RETREG1: variants seen among roughly 807,000 people sequenced by gnomAD.
RETREG1 encodes the protein family with sequence similarity 134 member B.
RETREG1 carries 44 observed loss-of-function variants against 54.8 expected under a neutral mutation model. That is an observed-to-expected ratio of 0.80 (90% confidence interval 0.63 to 1.03). The LOEUF (loss-of-function observed/expected upper bound fraction) is 1.03. RETREG1 is among the 50% of genes least tolerant of loss of function. The pLI is 0.00. For synonymous variants in RETREG1, 217 were observed against 238.5 expected (o/e 0.91, Z 0.83); for missense variants, 554 against 605.1 (o/e 0.92, Z 0.89).
At chr5:16,583,017 G>T (rs764835884) in intron 1 of RETREG1, among the ~76,000 whole-genome samples, 33 of 152,150 alleles carry the variant, frequency 2.2e-4, no homozygotes, top group Non-Finnish European at 4.0e-4. Flanking sequence ...GCTCTGGGCA[G>T]ACATCTGTGC....
intron 1 of RETREG1, among the ~76,000 whole-genome samples, chr5:16,572,810 C>T (rs1048775110): frequency 6.6e-6 from 1 of 152,078 alleles, no homozygotes; most frequent in Non-Finnish European, 1.5e-5. Context: ...ACTACAGAGG[C>T]CCTTTAGTCA....
chr5:16,476,693 G>A (rs886548696), intron 8 of RETREG1, among the ~76,000 whole-genome samples: 1 of 151,542 alleles, frequency 6.6e-6, no homozygotes, highest in African/African-American at 2.4e-5. Context: ...GTAAGTGGAA[G>A]CTGAATAATG....
At chr5:16,508,144 C>A (rs33682) in intron 3 of RETREG1, among the ~76,000 whole-genome samples, 39,215 of 152,154 alleles carry the variant, frequency 0.26, 5,460 homozygotes, top group East Asian at 0.38. Context: ...TTTACAATAT[C>A]AAAATGGTAT....
intron 3 of RETREG1, among the ~76,000 whole-genome samples, chr5:16,538,766 A>G (rs1348759575): frequency 2.0e-5 from 3 of 151,100 alleles, no homozygotes; most frequent in African/African-American, 2.4e-5. Context: ...GTGCAGTGGC[A>G]CGATCTCGGC....
intron 3 of RETREG1, among the ~76,000 whole-genome samples, chr5:16,483,946 TGTTAGAAAC>T (rs1738915629): frequency 6.6e-6 from 1 of 152,086 alleles, no homozygotes; most frequent in South Asian, 2.1e-4. Context: ...ATGGAAGACT[TGTTAGAAAC>T]GTCTTAAACC....
intron 3 of RETREG1, among the ~76,000 whole-genome samples, chr5:16,546,692 G>A (rs1318413358): frequency 6.6e-6 from 1 of 152,092 alleles, no homozygotes; most frequent in East Asian, 1.9e-4. Context: ...TAAATGTGGT[G>A]GCCTTCTTCA....
chr5:16,610,588 G>C (rs1209703309), intron 1 of RETREG1, among the ~76,000 whole-genome samples: 2 of 152,192 alleles, frequency 1.3e-5, no homozygotes, highest in African/African-American at 4.8e-5. Flanking sequence ...CCATCAAAAA[G>C]TGGGCGAAGG....
chr5:16,574,869 C>T (rs550712840), intron 1 of RETREG1, among the ~76,000 whole-genome samples: 2 of 152,298 alleles, frequency 1.3e-5, no homozygotes, highest in South Asian at 2.1e-4. Context: ...AATAAAATGC[C>T]GCAGTCCATG....
intron 1 of RETREG1, among the ~76,000 whole-genome samples, chr5:16,587,819 G>C (rs561871403): frequency 6.6e-6 from 1 of 152,158 alleles, no homozygotes; most frequent in Non-Finnish European, 1.5e-5. Flanking sequence ...TGTTCTGCCT[G>C]GTTCTCCCGC....
At chr5:16,526,436 C>T (rs932641599) in intron 3 of RETREG1, among the ~76,000 whole-genome samples, 2 of 152,262 alleles carry the variant, frequency 1.3e-5, no homozygotes, top group Non-Finnish European at 1.5e-5. Flanking sequence ...GACCCTATTC[C>T]CAGAGGCTCC....
chr5:16,593,717 G>T lies in RETREG1; in HGVS notation c.321-21615C>A, dbSNP rs1742832846. On this transcript the variant is annotated intron_variant, in intron 1 of 8. Coordinates refer to ENST00000306320, the MANE Select transcript of RETREG1 (RefSeq NM_001034850.3). The surrounding 1 kb of genome is among the most constrained non-coding windows in gnomAD (Gnocchi z 4.9). ...TTCTCTTTCAGAAGACCTGGCCTCTGATAACCAAGAGAAGTAAATCTAGCT... is the reference window on the plus strand; with the variant it reads ...TTCTCTTTCAGAAGACCTGGCCTCTTATAACCAAGAGAAGTAAATCTAGCT... Among the ~76,000 whole-genome samples, 1 of 152,166 alleles carries T rather than the reference G, an allele frequency of 6.6e-6. No homozygotes were observed. Among genetic ancestry groups the T allele is most frequent in the South Asian group, 2.1e-4 (1 of 4,834 alleles).
chr5:16,546,174 T>C (rs1741380278), intron 3 of RETREG1, among the ~76,000 whole-genome samples: 1 of 150,036 alleles, frequency 6.7e-6, no homozygotes, highest in Non-Finnish European at 1.5e-5. Context: ...ATTTTATATC[T>C]TTTTTTTTTC....
At chr5:16,513,557 C>T (rs187598606) in intron 3 of RETREG1, among the ~76,000 whole-genome samples, 3 of 152,314 alleles carry the variant, frequency 2.0e-5, no homozygotes, top group Admixed American at 6.5e-5. Context: ...ACCAGCCATC[C>T]GATGGACCGG....
chr5:16,477,895 G>T, intron 7 of RETREG1, 107 bp from the exon 8 acceptor site: 2 of 1,441,240 alleles, frequency 1.4e-6, no homozygotes, highest in Non-Finnish European at 1.9e-6. Context: ...AAAACCAAAT[G>T]GATATTTTTA....
At chr5:16,589,960 A>G (rs1032238567) in intron 1 of RETREG1, among the ~76,000 whole-genome samples, 1 of 152,212 alleles carries the variant, frequency 6.6e-6, no homozygotes, top group Non-Finnish European at 1.5e-5. Flanking sequence ...TATGGGTCAA[A>G]GTAAAAGAAG....
At chr5:16,487,734 C>A (rs956078187) in intron 3 of RETREG1, among the ~76,000 whole-genome samples, 2 of 152,138 alleles carry the variant, frequency 1.3e-5, no homozygotes, top group Non-Finnish European at 2.9e-5. Flanking sequence ...TTTTCAGCAG[C>A]TGAAGAATTT....
At position 16,483,383 on chromosome 5, in the gene RETREG1, T is replaced by G. The variant is rs1738889688; in HGVS notation, c.548A>C (p.Gln183Pro). 6.2e-7 allele frequency: 1 copy of G among 1,613,342 alleles called. No homozygotes were observed. Among genetic ancestry groups the G allele is most frequent in the African/African-American group, 1.3e-5 (1 of 74,908 alleles). ...CTGCTGTTTAAAAAGAGACATTTCT[T>G]GAAGAAATATGCTGAAATTCATCCA... ...ESWMNFSIFLQEMSLFKQQSP... is the reference protein window; with the variant it reads ...ESWMNFSIFLPEMSLFKQQSP... Residue 183 changes from glutamine to proline, a missense_variant, in exon 4 of 9, where the codon CAA becomes CCA. Gln to Pro is a moderately conservative substitution (Grantham distance 76). Around this residue, in one of 4 missense-constraint regions of RETREG1, gnomAD observed 347 missense variants for 412.3 expected, o/e 0.84. Transcript: ENST00000306320.
chr5:16,553,880 C>T (rs1741614074), intron 3 of RETREG1, among the ~76,000 whole-genome samples: 3 of 152,154 alleles, frequency 2.0e-5, no homozygotes, highest in Admixed American at 6.5e-5. Context: ...TGCCCACTGA[C>T]AGAACCCAGG....
At chr5:16,477,917 T>C in intron 7 of RETREG1, 117 bp downstream of exon 7, 1 of 1,384,052 alleles carries the variant, frequency 7.2e-7, no homozygotes, top group Non-Finnish European at 1.0e-6. Flanking sequence ...TTTGAAATCA[T>C]TCAGTCATCT....
Sources: gnomAD v4.1 joint callset for allele counts (sites outside exome capture counted in the v4.1 genomes callset) on GRCh38, gnomAD v4.1.1 for gene constraint, gnomAD v4.1.1 regional missense constraint, Gnocchi (gnomAD v3.1) non-coding constraint, MANE v1.5 for transcripts, NCBI Gene and HGNC (gene_info 2026-07-23, HGNC 2026-07-21) for gene names.